Variants in CHRNE observed in about 807,000 individuals in gnomAD.
CHRNE encodes the protein cholinergic receptor nicotinic epsilon subunit, also known as acetylcholine receptor subunit epsilon.
A neutral mutation model predicts 56.5 loss-of-function variants in CHRNE; 58 were observed. The observed-to-expected ratio is 1.03, with a 90% CI of 0.83 to 1.28. The LOEUF (loss-of-function observed/expected upper bound fraction) is 1.28, where lower values mean the gene tolerates loss of function less well. CHRNE is among the 50% of genes most tolerant of loss of function. CHRNE has a pLI of 0.00. For synonymous variants in CHRNE, 385 were observed against 297.9 expected, an observed-to-expected ratio of 1.29 and a Z score of -3.01; for missense variants, 793 against 688.9, an observed-to-expected ratio of 1.15 and a Z score of -1.69.
At chr17:4,904,583 C>A (rs1970066345), upstream of CHRNE, among the ~76,000 whole-genome samples, 1 of 152,144 alleles carries the variant, frequency 6.6e-6, no homozygotes, top group South Asian at 2.1e-4. Flanking sequence ...AGCAGTCCAG[C>A]AAAGCAATGA....
chr17:4,901,244 T>C (rs1969975886), intron 6 of CHRNE, 54 bp from the exon 7 acceptor site: 1 of 1,576,098 alleles, frequency 6.3e-7, no homozygotes, highest in Non-Finnish European at 8.6e-7. Context: ...CCCGCCGAGC[T>C]GACAGCGGGC....
chr17:4,900,331 G>A (rs775565502), intron 8 of CHRNE: 16 of 1,545,902 alleles, frequency 1.0e-5, no homozygotes, highest in South Asian at 3.6e-5. Context: ...GCGCTGAGCC[G>A]GGTAGCCCAA....
In CHRNE at chr17:4,902,078, G is replaced by A. The variant is rs763520880; in HGVS notation, c.354C>T (p.Gly118=). 6.8e-6 allele frequency: 11 copies of A among 1,614,040 alleles called. No individual in the cohort carries two copies. The highest frequency in any genetic ancestry group is 9.3e-6 in the Non-Finnish European group (11 of 1,180,014). Reference sequence around the variant, plus strand: ...TGGCGTCGTAGGCCACTCCGAACTGGCCATCAATACTGTGGGCTCGGGGAA... The same window carrying A: ...TGGCGTCGTAGGCCACTCCGAACTGACCATCAATACTGTGGGCTCGGGGAA... ...PEIVLENNID[G]QFGVAYDANV... The change falls in exon 5 of 12, where the codon GGC becomes GGT. Residue 118 remains glycine (G), a synonymous_variant. Coordinates refer to ENST00000649488, the MANE Select transcript of CHRNE (RefSeq NM_000080.4). The surrounding 1 kb of genome is among the most constrained non-coding windows in gnomAD (Gnocchi z 4.0).
Position 4,902,000 on chromosome 17 carries a change from G to A in CHRNE, c.432C>T (p.Tyr144=). ...TGACCTCCACTGCGCAGACGCTGCG[G>A]TAGATGGCCGGAGGCAGCCACGTCA... ...GSVTWLPPAI[Y]RSVCAVEVTY... is the part of the protein sequence containing the mutation. The change falls in exon 5 of 12, where the codon TAC becomes TAT. Residue 144 remains tyrosine (Y), a synonymous_variant. Transcript: ENST00000649488. 1.2e-6 allele frequency: 2 copies of A among 1,614,140 alleles called. No homozygotes were observed. The highest frequency in any genetic ancestry group is 1.7e-6 in the Non-Finnish European group (2 of 1,180,030).
chr17:4,899,451 G>A lies in CHRNE; in HGVS notation c.1032+17C>T, dbSNP rs372131102. The A allele has an allele frequency of 7.5e-5, 117 of 1,567,988 alleles. No homozygotes were observed. Among genetic ancestry groups the A allele is most frequent in the Non-Finnish European group, 9.3e-5 (108 of 1,157,854 alleles). The stretch of plus-strand genomic sequence containing the variant: ...GCCCCACCCCGACCCGGGCTGCACC[G>A]CCCCCTCCGCGCTTACGTGGCGCAG... On this transcript the variant is annotated intron_variant, in intron 9 of 11. Coordinates refer to ENST00000649488, the MANE Select transcript of CHRNE (RefSeq NM_000080.4).
chr17:4,902,419 G>C lies in CHRNE; in HGVS notation c.234+31C>G, dbSNP rs780661291. 14 of 1,614,112 alleles carry C rather than the reference G, an allele frequency of 8.7e-6. No homozygotes were observed. In the East Asian group the frequency reaches 2.9e-4, roughly 33 times the overall value. ...GGGGGAAAAGGGGTGCCCTGGACAA[G>C]ACCTCACACCATTCCCCAGATTTGA... On this transcript the variant is annotated intron_variant, in intron 3 of 11. Transcript: ENST00000649488. This position sits in a 1 kb window ranked among gnomAD's most constrained non-coding sequence, Gnocchi z 4.0.
chr17:4,900,938 G>A (rs1222722411), intron 7 of CHRNE, 31 bp from the exon 8 acceptor site: 4 of 1,613,900 alleles, frequency 2.5e-6, no homozygotes, highest in African/African-American at 1.3e-5. Context: ...AGCGGGCCCC[G>A]CCTCCCGGGA....
Position 4,899,124 on chromosome 17 carries a change from C to A in CHRNE, c.1220-17G>T. 1.9e-6 allele frequency: 3 copies of A among 1,603,228 alleles called. No individual in the cohort carries two copies. Among genetic ancestry groups the A allele is most frequent in the Non-Finnish European group, 1.7e-6 (2 of 1,176,706 alleles). Reference sequence around the variant, plus strand: ...AGAAGGCAGCTGGCGGGGAAAACACCGGGGTGGGCCTTAGGAGCCTCCCCC... The same window carrying A: ...AGAAGGCAGCTGGCGGGGAAAACACAGGGGTGGGCCTTAGGAGCCTCCCCC... On this transcript the variant is annotated splice_polypyrimidine_tract_variant and intron_variant, in intron 10 of 11. Coordinates refer to ENST00000649488, the MANE Select transcript of CHRNE (RefSeq NM_000080.4).
rs774059277 is a variant in CHRNE, at chr17:4,899,594, G to A, written c.918-12C>T. On this transcript the variant is annotated splice_polypyrimidine_tract_variant and intron_variant, in intron 8 of 11. Coordinates refer to ENST00000649488, the MANE Select transcript of CHRNE (RefSeq NM_000080.4). Reference sequence around the variant, plus strand: ...CGAAAATAAGGAACCTGAGGAGCCCGGAAGGCATGACATCACCGTTCCTCC... The same window carrying A: ...CGAAAATAAGGAACCTGAGGAGCCCAGAAGGCATGACATCACCGTTCCTCC... The A allele has an allele frequency of 4.5e-6, 7 of 1,553,048 alleles. No individual in the cohort carries two copies. Among genetic ancestry groups the A allele is most frequent in the South Asian group, 3.5e-5 (3 of 84,862 alleles).
Position 4,902,757 on chromosome 17 carries a change from C to A in CHRNE, c.53G>T (p.Gly18Val), listed in dbSNP as rs4790235. 0.031 allele frequency: 50,630 copies of A among 1,614,008 alleles called. 2,014 individuals are homozygous for A. Among genetic ancestry groups the A allele is most frequent in the Admixed American group, 0.2 (11,859 of 59,998 alleles). Residue 18 changes from glycine (G) to valine (V), a missense_variant, in exon 2 of 12, where the codon GGT (glycine) becomes GTT (valine). Gly to Val is a moderately radical substitution (Grantham distance 109). Coordinates refer to ENST00000649488, the MANE Select transcript of CHRNE (RefSeq NM_000080.4). This position sits in a 1 kb window ranked among gnomAD's most constrained non-coding sequence, Gnocchi z 4.0. Reference protein sequence around the residue: ...VLLLLGLLGRGVGKNEELRLY... With the variant: ...VLLLLGLLGRVVGKNEELRLY... ...ACGCAGTTCCTCGTTCTTCCCCACA[C>A]CCCTGCCTGCGATGGGGTCAAGAAG...
rs1969805354 is a variant in CHRNE, at chr17:4,898,532, ATG to A, written c.*202_*203del. ...CTGGAAGACTGGCACCTGAGAGCCT[ATG>A]TGAACCCTTTCCTCCTGCTGACCCC... On this transcript the variant is annotated 3_prime_UTR_variant, in exon 12 of 12. Transcript: ENST00000649488. 4 of 657,380 alleles carry A rather than the reference ATG, an allele frequency of 6.1e-6. No homozygotes were observed. The South Asian group carries it at 7.2e-5, about 12-fold the overall frequency. 40.7% of individuals were successfully genotyped at this position (657,380 alleles called of 1,614,324 possible).
intron 5 of CHRNE, 90 bp downstream of exon 5, chr17:4,901,842 C>T: frequency 6.3e-7 from 1 of 1,576,846 alleles, no homozygotes. Context: ...CGCGAAGCCC[C>T]GCCCCGAGGG....
rs121909515 is a variant in CHRNE, at chr17:4,899,509, G to T, written c.991C>A (p.Arg331=). Residue 331 remains arginine, a synonymous_variant, in exon 9 of 12, where the codon CGG becomes AGG. Transcript: ENST00000649488. ...NCVIVLNVSQ[R]TPTTHAMSPR... ...GACATGGCGTGGGTGGTGGGCGTCC[G>T]CTGGGACACGTTGAGCACGATGACG... 36 of 1,603,576 alleles carry T rather than the reference G, an allele frequency of 2.2e-5. No homozygotes were observed. The Admixed American group carries it at 3.4e-4, about 15-fold the overall frequency.
chr17:4,901,198 A>G lies in CHRNE; in HGVS notation c.602-8T>C. The G allele has an allele frequency of 6.3e-7, 1 of 1,599,744 alleles. No homozygotes were observed. Among genetic ancestry groups the G allele is most frequent in the Non-Finnish European group, 8.5e-7 (1 of 1,177,514 alleles). On this transcript the variant is annotated splice_region_variant and splice_polypyrimidine_tract_variant and intron_variant, in intron 6 of 11. Transcript: ENST00000649488. ...TGGCCCACTCGCCGTTCTCTGCGGG[A>G]CGGGGGCACGGTCAGCTGGCTGTCA...
At position 4,899,075 on chromosome 17, in the gene CHRNE, G is replaced by GGGC; in HGVS notation, c.1249_1251dup (p.Ala417dup). The GGGC allele has an allele frequency of 1.9e-6, 3 of 1,610,692 alleles. No individual in the cohort carries two copies. Among genetic ancestry groups the GGGC allele is most frequent in the South Asian group, 1.1e-5 (1 of 90,740 alleles). On this transcript the variant is annotated inframe_insertion, in exon 11 of 12. Coordinates refer to ENST00000649488, the MANE Select transcript of CHRNE (RefSeq NM_000080.4). ...GCATCCACACAGCAGCGGACCTCGGGGGCGGCGGCGCCCAGGCTCTGGCAG... is the reference window on the plus strand; with the variant it reads ...GCATCCACACAGCAGCGGACCTCGGGGGCGGCGGCGGCGCCCAGGCTCTGGCAG...
chr17:4,901,356 G>T, intron 6 of CHRNE, 166 bp from the exon 7 acceptor site: 1 of 953,786 alleles, frequency 1.0e-6, no homozygotes, highest in Non-Finnish European at 1.6e-6. Context: ...TGGAAAGCCA[G>T]AAGGCAGGAC....
upstream of CHRNE, among the ~76,000 whole-genome samples, chr17:4,907,542 T>G (rs1970105873): frequency 1.6e-5 from 2 of 124,474 alleles, no homozygotes; most frequent in Non-Finnish European, 3.2e-5. Context: ...CACTCCAGCC[T>G]GGTGACAGAG....
chr17:4,905,659 G>A (rs879765347), upstream of CHRNE, among the ~76,000 whole-genome samples: 28 of 152,132 alleles, frequency 1.8e-4, no homozygotes, highest in Non-Finnish European at 3.4e-4. Flanking sequence ...TCAAGAGTTC[G>A]AGACCAGTCT....
upstream of CHRNE, among the ~76,000 whole-genome samples, chr17:4,907,233 A>AC (rs1242455936): frequency 1.2e-4 from 18 of 149,282 alleles, no homozygotes; most frequent in Non-Finnish European, 2.5e-4. Context: ...GATTGGGGGA[A>AC]TTAAAAAAAA....
Sources: gnomAD v4.1 joint callset for allele counts (sites outside exome capture counted in the v4.1 genomes callset) on GRCh38, gnomAD v4.1.1 for gene constraint, Gnocchi (gnomAD v3.1) non-coding constraint, MANE v1.5 for transcripts, NCBI Gene and HGNC (gene_info 2026-07-23, HGNC 2026-07-21) for gene names.